The following GABRB2 variants were observed in gnomAD, a reference collection of about 807,000 sequenced individuals.
The protein encoded by GABRB2 is gamma-aminobutyric acid type A receptor subunit beta2.
A neutral mutation model predicts 54.7 loss-of-function variants in GABRB2; 16 were observed. That is an observed-to-expected ratio of 0.29 (90% CI 0.20 to 0.44). The LOEUF (loss-of-function observed/expected upper bound fraction) is 0.44, where lower values mean the gene tolerates loss of function less well. Ranked by LOEUF, GABRB2 falls within the 20% of genes least tolerant of loss-of-function variation. The pLI is 1.00. For missense variants in GABRB2, 355 were observed against 644.0 expected, an observed-to-expected ratio of 0.55 and a Z score of 4.86; for synonymous variants, 244 against 233.8, an observed-to-expected ratio of 1.04 and a Z score of -0.40.
intron 5 of GABRB2, among the ~76,000 whole-genome samples, chr5:161,408,164 C>A (rs1756400707): frequency 6.6e-6 from 1 of 151,916 alleles, no homozygotes; most frequent in African/African-American, 2.4e-5. Context: ...CTCCAAAATC[C>A]AAATCAATTT....
intron 5 of GABRB2, among the ~76,000 whole-genome samples, chr5:161,353,905 T>G (rs1368725420): frequency 6.6e-6 from 1 of 152,006 alleles, no homozygotes; most frequent in Admixed American, 6.6e-5. Flanking sequence ...ATAGTGCAAT[T>G]TTTTTGACTG....
intron 9 of GABRB2, among the ~76,000 whole-genome samples, chr5:161,300,814 G>A (rs1201024073): frequency 2.0e-5 from 3 of 152,172 alleles, no homozygotes; most frequent in Admixed American, 2.0e-4. Context: ...CTATTGGACA[G>A]AACGACTTCA....
intron 3 of GABRB2, among the ~76,000 whole-genome samples, chr5:161,506,733 G>GA (rs1237143930): frequency 6.6e-6 from 1 of 152,026 alleles, no homozygotes; most frequent in Non-Finnish European, 1.5e-5. Context: ...AGTGGTGCTG[G>GA]AAAAAGAGAC....
intron 5 of GABRB2, among the ~76,000 whole-genome samples, chr5:161,345,565 C>T (rs1754298486): frequency 6.6e-6 from 1 of 152,086 alleles, no homozygotes; most frequent in East Asian, 1.9e-4. Flanking sequence ...CAAGTTATTT[C>T]AGTTACTTGA....
At chr5:161,520,540 T>C (rs1160298249) in intron 3 of GABRB2, among the ~76,000 whole-genome samples, 1 of 152,240 alleles carries the variant, frequency 6.6e-6, no homozygotes, top group East Asian at 1.9e-4. Context: ...GGATATACTA[T>C]ATGATAAAAG....
chr5:161,311,508 A>G (rs970274307), intron 9 of GABRB2, among the ~76,000 whole-genome samples: 1 of 152,222 alleles, frequency 6.6e-6, no homozygotes, highest in African/African-American at 2.4e-5. Context: ...TGTACGTAAA[A>G]GTGAAAGAGT....
rs1249596047 is a variant in GABRB2 at position 161,336,629 on chromosome 5, A to T, written c.679+3T>A. ...TCCCTTAACACTTTTCCATGATACA[A>T]ACCTGTGGAAAAAACAACCTTCTTG... On this transcript the variant is annotated splice_donor_region_variant and intron_variant, in intron 6 of 9. Coordinates refer to ENST00000393959, the MANE Select transcript of GABRB2 (RefSeq NM_001371727.1). The T allele has an allele frequency of 1.2e-6, 2 of 1,612,906 alleles. No individual in the cohort carries two copies. The highest frequency in any genetic ancestry group is 2.2e-5 in the South Asian group (2 of 91,034).
chr5:161,501,720 T>A (rs1759451665), intron 3 of GABRB2, among the ~76,000 whole-genome samples: 1 of 151,936 alleles, frequency 6.6e-6, no homozygotes, highest in African/African-American at 2.4e-5. Context: ...TTTCTCTTGT[T>A]ATTCTTATCT....
intron 3 of GABRB2, among the ~76,000 whole-genome samples, chr5:161,543,611 C>A (rs1405579867): frequency 1.3e-5 from 2 of 152,130 alleles, no homozygotes; most frequent in East Asian, 3.9e-4. Context: ...CAGAATCACA[C>A]CTGATTTCTA....
chr5:161,470,841 G>A (rs919897448), intron 3 of GABRB2, among the ~76,000 whole-genome samples: 2 of 151,978 alleles, frequency 1.3e-5, no homozygotes, highest in African/African-American at 2.4e-5. Flanking sequence ...CTATGCTCCC[G>A]AAGTCAGAAA....
chr5:161,316,873 A>G (rs542040967), intron 9 of GABRB2, among the ~76,000 whole-genome samples: 1 of 152,262 alleles, frequency 6.6e-6, no homozygotes, highest in South Asian at 2.1e-4. Flanking sequence ...CGGGCTCCCA[A>G]AGTGCTGGGA....
chr5:161,336,395 T>C (rs565051449), intron 6 of GABRB2, among the ~76,000 whole-genome samples: 1 of 152,218 alleles, frequency 6.6e-6, no homozygotes, highest in Admixed American at 6.5e-5. Context: ...ATTAGTCGCT[T>C]CTCTGGCAAA....
rs142039920 is a variant in GABRB2, at chr5:161,407,976, T to C, written c.541+2999A>G. On this transcript the variant is annotated intron_variant, in intron 5 of 9. Transcript: ENST00000393959. ...AAGTCGGTGTAGTCCATATTAACCT[T>C]TTAGAGCCCTCAGTACTTTATTTCA... 1.8e-3 allele frequency among the ~76,000 whole-genome samples: 271 copies of C among 152,190 alleles called. 2 individuals are homozygous for C. The highest frequency in any genetic ancestry group is 6.3e-3 in the African/African-American group (263 of 41,542).
intron 5 of GABRB2, among the ~76,000 whole-genome samples, chr5:161,368,556 A>C (rs1289736748): frequency 6.6e-6 from 1 of 152,184 alleles, no homozygotes; most frequent in Admixed American, 6.6e-5. Context: ...TTGGAAAAAG[A>C]AAATTAGACC....
chr5:161,455,277 C>T (rs1171008964), intron 4 of GABRB2, among the ~76,000 whole-genome samples: 1 of 152,116 alleles, frequency 6.6e-6, no homozygotes, highest in Non-Finnish European at 1.5e-5. Context: ...TTGAGCACCC[C>T]TCTCCGGATA....
intron 4 of GABRB2, among the ~76,000 whole-genome samples, chr5:161,458,691 T>G (rs1758035519): frequency 6.6e-6 from 1 of 152,234 alleles, no homozygotes; most frequent in African/African-American, 2.4e-5. Context: ...CCTCTGTTTC[T>G]TCATTTGAAA....
rs182824801 is a variant in GABRB2, at chr5:161,532,244, C to T, written c.237+12983G>A. 5.9e-5 allele frequency among the ~76,000 whole-genome samples: 9 copies of T among 152,130 alleles called. No homozygotes were observed. The East Asian group carries it at 7.7e-4, about 13-fold the overall frequency. On this transcript the variant is annotated intron_variant, in intron 3 of 9. Coordinates refer to ENST00000393959, the MANE Select transcript of GABRB2 (RefSeq NM_001371727.1). The stretch of plus-strand genomic sequence containing the variant: ...GTATATATGTGTATATCTATGTATA[C>T]GTGTAGCATATCTGTGTGTATATGT...
chr5:161,314,856 T>C (rs1188538680), intron 9 of GABRB2, among the ~76,000 whole-genome samples: 1 of 152,096 alleles, frequency 6.6e-6, no homozygotes, highest in Non-Finnish European at 1.5e-5. Flanking sequence ...TATTGACTGA[T>C]AAAAAAGGAA....
At chr5:161,316,867 C>T (rs552973017) in intron 9 of GABRB2, among the ~76,000 whole-genome samples, 1 of 152,286 alleles carries the variant, frequency 6.6e-6, no homozygotes, top group Non-Finnish European at 1.5e-5. Context: ...CTGCCTCGGG[C>T]TCCCAAAGTG....
Sources: allele counts gnomAD v4.1 joint callset (sites outside exome capture counted in the v4.1 genomes callset), GRCh38; gene constraint gnomAD v4.1.1; transcripts MANE v1.5; gene names NCBI Gene and HGNC (gene_info 2026-07-23, HGNC 2026-07-21).